NFIA: variants seen among roughly 807,000 people sequenced by gnomAD.
NFIA encodes nuclear factor 1 A-type.
Under a neutral mutation model 62.8 loss-of-function variants are expected in NFIA, and 8 were observed. The ratio of observed to expected loss-of-function variants is 0.13; its 90% CI spans 0.07 to 0.23. NFIA has a LOEUF of 0.23. Among genes scored for constraint, NFIA ranks in the 10% least tolerant of loss-of-function variants. NFIA has a pLI of 1.00. For synonymous variants in NFIA, 235 were observed against 238.1 expected (o/e 0.99, Z 0.12); for missense variants, 410 against 642.1 (o/e 0.64, Z 3.91).
intron 8 of NFIA, among the ~76,000 whole-genome samples, chr1:61,404,688 A>C (rs1665734075): frequency 6.6e-6 from 1 of 152,218 alleles, no homozygotes; most frequent in East Asian, 1.9e-4. Flanking sequence ...CAGATGTTTC[A>C]GATCAACTAA....
chr1:61,454,161 C>T (rs1045472811), intron 10 of NFIA, among the ~76,000 whole-genome samples: 2 of 152,208 alleles, frequency 1.3e-5, no homozygotes, highest in African/African-American at 2.4e-5. Flanking sequence ...CTTTCTGATA[C>T]CGTCAACTTA....
At chr1:61,194,617 T>C (rs1206989973) in intron 2 of NFIA, among the ~76,000 whole-genome samples, 1 of 152,218 alleles carries the variant, frequency 6.6e-6, no homozygotes, top group Non-Finnish European at 1.5e-5. Flanking sequence ...GTTATAGAGA[T>C]AAAGAATTGT....
intron 2 of NFIA, among the ~76,000 whole-genome samples, chr1:61,179,954 T>A (rs1650641513): frequency 6.6e-6 from 1 of 152,228 alleles, no homozygotes; most frequent in African/African-American, 2.4e-5. Flanking sequence ...GACCAAAGGC[T>A]GACTCTTCCA....
At chr1:61,095,132 AACTT>A (rs1437246630) in intron 2 of NFIA, among the ~76,000 whole-genome samples, 14 of 152,244 alleles carry the variant, frequency 9.2e-5, no homozygotes, top group African/African-American at 3.1e-4. Flanking sequence ...GAGAACTTTA[AACTT>A]ACTTCTTTTC....
rs1661347008 is a variant in NFIA, at chr1:61,332,450, G to C, written c.626-62G>C. On this transcript the variant is annotated intron_variant, in intron 3 of 10. Transcript: ENST00000403491. ...AATCATAATGAAACTAATATTTAAA[G>C]CTCTGTTGTCAAATGTCTTGTATTT... 36 of 1,446,870 alleles carry C rather than the reference G, an allele frequency of 2.5e-5. 1 individual carries two copies. The highest frequency in any genetic ancestry group is 3.5e-5 in the Non-Finnish European group (36 of 1,029,552). 89.6% of individuals were successfully genotyped at this position (1,446,870 alleles called of 1,614,324 possible).
intron 2 of NFIA, among the ~76,000 whole-genome samples, chr1:61,157,984 A>G (rs1570282207): frequency 6.6e-6 from 1 of 152,358 alleles, no homozygotes; most frequent in African/African-American, 2.4e-5. Flanking sequence ...AGTTATTTAC[A>G]TGAATCCCCA....
Position 61,114,532 on chromosome 1 carries a change from GA to G in NFIA, c.559+25856del, listed in dbSNP as rs745346370. Among the ~76,000 whole-genome samples the G allele has an allele frequency of 3.3e-3, 500 of 152,138 alleles. 3 individuals are homozygous for G. Among genetic ancestry groups the G allele is most frequent in the Non-Finnish European group, 4.3e-3 (291 of 67,996 alleles). ...CATTATTTCCTTTCTCCTTTCAGAGGAAAATTATTTCCAGATTATTTTTTCT... is the reference window on the plus strand; with the variant it reads ...CATTATTTCCTTTCTCCTTTCAGAGGAAATTATTTCCAGATTATTTTTTCT... On this transcript the variant is annotated intron_variant, in intron 2 of 10. Transcript: ENST00000403491.
intron 2 of NFIA, among the ~76,000 whole-genome samples, chr1:61,102,750 G>C (rs1172893181): frequency 6.6e-6 from 1 of 151,972 alleles, no homozygotes; most frequent in Non-Finnish European, 1.5e-5. Context: ...TTGTTTCAGG[G>C]TACTTTTTTT....
intron 7 of NFIA, chr1:61,385,906 T>A (rs904696894): frequency 3.3e-5 from 5 of 152,192 alleles, no homozygotes; most frequent in African/African-American, 1.2e-4. Flanking sequence ...CGGCTCTCCT[T>A]TCTGGAAAGT....
At chr1:61,394,695 T>C (rs1665176612) in intron 7 of NFIA, among the ~76,000 whole-genome samples, 1 of 152,202 alleles carries the variant, frequency 6.6e-6, no homozygotes. Flanking sequence ...CTTTAATCAC[T>C]AGACTGATTA....
chr1:61,405,601 A>G (rs544741158), intron 8 of NFIA, among the ~76,000 whole-genome samples: 5 of 152,176 alleles, frequency 3.3e-5, no homozygotes, highest in East Asian at 1.9e-4. Context: ...TTGGGAAACA[A>G]TGAAAAAACT....
chr1:61,080,011 C>A (rs1018413204), upstream of NFIA, among the ~76,000 whole-genome samples: 15 of 152,132 alleles, frequency 9.9e-5, no homozygotes, highest in African/African-American at 3.6e-4. Flanking sequence ...TCCCCCGCCT[C>A]CCCCCCTCCC....
intron 9 of NFIA, among the ~76,000 whole-genome samples, chr1:61,417,950 T>C (rs1009374853): frequency 6.6e-6 from 1 of 152,146 alleles, no homozygotes; most frequent in African/African-American, 2.4e-5. Context: ...ATGTCCATTA[T>C]ACTGGACTCT....
At chr1:61,334,726 A>C (rs1471120641) in intron 4 of NFIA, among the ~76,000 whole-genome samples, 1 of 151,410 alleles carries the variant, frequency 6.6e-6, no homozygotes, top group Non-Finnish European at 1.5e-5. Context: ...TAAGCGTAAG[A>C]TTGGAGCACT....
At chr1:61,429,566 C>T (rs534253945) in intron 10 of NFIA, among the ~76,000 whole-genome samples, 16 of 152,278 alleles carry the variant, frequency 1.1e-4, no homozygotes, top group East Asian at 1.9e-4. Context: ...TAATCTTTAG[C>T]GTATACCCCC....
intron 2 of NFIA, among the ~76,000 whole-genome samples, chr1:61,099,006 T>G (rs1557563667): frequency 6.6e-6 from 1 of 152,194 alleles, no homozygotes; most frequent in Non-Finnish European, 1.5e-5. Context: ...AAGAACTAAT[T>G]GTTCTAAAGA....
At chr1:61,340,857 T>C (rs1661860766) in intron 4 of NFIA, among the ~76,000 whole-genome samples, 1 of 152,178 alleles carries the variant, frequency 6.6e-6, no homozygotes, top group Admixed American at 6.5e-5. Context: ...TTCCTCTGTT[T>C]TGAGCATTGT....
At chr1:61,245,301 C>T (rs1655572990) in intron 2 of NFIA, among the ~76,000 whole-genome samples, 1 of 152,110 alleles carries the variant, frequency 6.6e-6, no homozygotes, top group Non-Finnish European at 1.5e-5. Context: ...ACTCTTTAAA[C>T]ATCGTATACA....
chr1:61,205,169 G>A (rs1049300911), intron 2 of NFIA, among the ~76,000 whole-genome samples: 2 of 152,270 alleles, frequency 1.3e-5, no homozygotes, highest in African/African-American at 2.4e-5. Context: ...TCAGTTTATC[G>A]AAGGCCATAC....
Sources: allele counts gnomAD v4.1 joint callset (sites outside exome capture counted in the v4.1 genomes callset), GRCh38; gene constraint gnomAD v4.1.1; transcripts MANE v1.5; gene names NCBI Gene and HGNC (gene_info 2026-07-23, HGNC 2026-07-21).